ZRANB3: variants seen among roughly 807,000 people sequenced by gnomAD.
ZRANB3 encodes the protein DNA annealing helicase and endonuclease ZRANB3.
A neutral mutation model predicts 133.8 loss-of-function variants in ZRANB3; 125 were observed. The ratio of observed to expected loss-of-function variants is 0.93; its 90% CI spans 0.81 to 1.08. The LOEUF is 1.08. ZRANB3 is among the 50% of genes least tolerant of loss of function. The pLI is 0.00. For synonymous variants in ZRANB3, 387 were observed against 432.7 expected (o/e 0.89, Z 1.31); for missense variants, 1,229 against 1,275.5 (o/e 0.96, Z 0.56).
intron 1 of ZRANB3, 35 bp from the exon 2 acceptor site, chr2:135,504,531 A>AT (rs1693090174): frequency 1.3e-6 from 2 of 1,567,840 alleles, no homozygotes. Context: ...AGGGAGGGGT[A>AT]TAAGAAATAG....
At chr2:135,495,013 T>A (rs1210014819) in intron 2 of ZRANB3, among the ~76,000 whole-genome samples, 1 of 152,132 alleles carries the variant, frequency 6.6e-6, no homozygotes, top group East Asian at 1.9e-4. Flanking sequence ...AGCAGGAAGA[T>A]CATATGGGGC....
chr2:135,386,967 G>T (rs1182082027), intron 3 of ZRANB3, among the ~76,000 whole-genome samples: 1 of 150,754 alleles, frequency 6.6e-6, no homozygotes, highest in Non-Finnish European at 1.5e-5. Flanking sequence ...TTTTGCGCAG[G>T]TACCCTAGAT....
chr2:135,407,172 C>A (rs1201144214), intron 2 of ZRANB3, among the ~76,000 whole-genome samples: 2 of 152,054 alleles, frequency 1.3e-5, no homozygotes, highest in African/African-American at 4.8e-5. Flanking sequence ...TTCTTATACA[C>A]CAATAACAGA....
intron 3 of ZRANB3, among the ~76,000 whole-genome samples, chr2:135,362,688 T>C (rs1685746605): frequency 6.6e-6 from 1 of 152,158 alleles, no homozygotes; most frequent in Admixed American, 6.5e-5. Flanking sequence ...TGGGTCTCTC[T>C]ATGTTACTCA....
intron 2 of ZRANB3, among the ~76,000 whole-genome samples, chr2:135,440,318 G>C (rs1296710628): frequency 1.3e-5 from 2 of 151,872 alleles, no homozygotes; most frequent in Non-Finnish European, 2.9e-5. Flanking sequence ...AGAATCACTT[G>C]AACCCAGGAG....
chr2:135,372,325 G>A (rs533094146), intron 3 of ZRANB3, among the ~76,000 whole-genome samples: 1 of 152,228 alleles, frequency 6.6e-6, no homozygotes, highest in East Asian at 1.9e-4. Context: ...CCAGAACTGT[G>A]AGAAATACAT....
At chr2:135,329,200 A>G (rs1259119936) in intron 6 of ZRANB3, among the ~76,000 whole-genome samples, 2 of 152,162 alleles carry the variant, frequency 1.3e-5, no homozygotes, top group Non-Finnish European at 2.9e-5. Flanking sequence ...TAGGTCTAAC[A>G]TGTAAGTCTT....
chr2:135,398,713 C>T (rs974858764), intron 2 of ZRANB3, among the ~76,000 whole-genome samples: 1 of 150,876 alleles, frequency 6.6e-6, no homozygotes, highest in African/African-American at 2.4e-5. Flanking sequence ...TTAGTAGAGA[C>T]GGGGTTTCAC....
At chr2:135,275,076 C>T (rs1325593060) in intron 9 of ZRANB3, among the ~76,000 whole-genome samples, 1 of 152,230 alleles carries the variant, frequency 6.6e-6, no homozygotes, top group Admixed American at 6.5e-5. Flanking sequence ...CCCCACATTT[C>T]CCCCTTTTCT....
chr2:135,225,272 C>T (rs1402797708), intron 14 of ZRANB3, among the ~76,000 whole-genome samples: 3 of 152,180 alleles, frequency 2.0e-5, no homozygotes, highest in East Asian at 3.8e-4. Flanking sequence ...AAGCTGGCTC[C>T]AGAGTCTGTG....
At chr2:135,280,244 A>G (rs1681034752) in intron 8 of ZRANB3, among the ~76,000 whole-genome samples, 1 of 152,210 alleles carries the variant, frequency 6.6e-6, no homozygotes, top group African/African-American at 2.4e-5. Flanking sequence ...AATTTAAGTA[A>G]TTAATGAAGA....
chr2:135,210,587 C>T (rs1694054138), intron 17 of ZRANB3, among the ~76,000 whole-genome samples: 1 of 152,114 alleles, frequency 6.6e-6, no homozygotes, highest in Non-Finnish European at 1.5e-5. Flanking sequence ...TCTCAGCCTC[C>T]CCAAGTGCTG....
intron 1 of ZRANB3, among the ~76,000 whole-genome samples, chr2:135,527,844 T>A (rs1034237974): frequency 2.0e-5 from 3 of 152,246 alleles, no homozygotes; most frequent in African/African-American, 7.2e-5. Flanking sequence ...AACAGTGGCA[T>A]CTCTTGGTAA....
Position 135,419,490 on chromosome 2 carries a change from T to C in ZRANB3, c.162-28670A>G, listed in dbSNP as rs140617912. ...ATCATGTTTATTTGGAAATAGGCAC[T>C]GAAATGGGAATATGCATGCCATAGT... On this transcript the variant is annotated intron_variant, in intron 2 of 20. Coordinates refer to ENST00000264159, the MANE Select transcript of ZRANB3 (RefSeq NM_032143.4). Among the ~76,000 whole-genome samples, 148 of 152,120 alleles carry C rather than the reference T, an allele frequency of 9.7e-4. 2 individuals are homozygous for C. Among genetic ancestry groups the C allele is most frequent in the African/African-American group, 3.4e-3 (141 of 41,494 alleles).
chr2:135,528,621 A>T (rs757178991), intron 1 of ZRANB3, among the ~76,000 whole-genome samples: 22 of 152,142 alleles, frequency 1.4e-4, no homozygotes, highest in African/African-American at 2.4e-5. Context: ...CTAGATTTAC[A>T]CTGGAAGAAC....
At chr2:135,354,214 C>A (rs966676838) in intron 3 of ZRANB3, among the ~76,000 whole-genome samples, 2 of 152,018 alleles carry the variant, frequency 1.3e-5, no homozygotes, top group African/African-American at 4.8e-5. Flanking sequence ...ATGTATGTAA[C>A]CATTTATAGT....
chr2:135,334,331 TGATA>T (rs1473629282), intron 6 of ZRANB3, among the ~76,000 whole-genome samples: 1 of 152,224 alleles, frequency 6.6e-6, no homozygotes, highest in African/African-American at 2.4e-5. Context: ...ACTGAACTAT[TGATA>T]AATAGGTGAG....
chr2:135,453,692 C>T (rs892398950), intron 2 of ZRANB3, among the ~76,000 whole-genome samples: 4 of 152,172 alleles, frequency 2.6e-5, no homozygotes, highest in African/African-American at 7.2e-5. Context: ...CATCTGAGAC[C>T]ACCTCAGCCT....
chr2:135,325,457 C>T (rs968134845), intron 6 of ZRANB3, among the ~76,000 whole-genome samples: 2 of 151,964 alleles, frequency 1.3e-5, no homozygotes, highest in East Asian at 1.9e-4. Flanking sequence ...AGTGCAGTGG[C>T]GTAATCTTGG....
Sources: allele counts gnomAD v4.1 joint callset (sites outside exome capture counted in the v4.1 genomes callset), GRCh38; gene constraint gnomAD v4.1.1; transcripts MANE v1.5; gene names NCBI Gene and HGNC (gene_info 2026-07-23, HGNC 2026-07-21).